Variants in FGG observed in about 807,000 individuals in gnomAD.
The protein encoded by FGG is fibrinogen gamma chain, also known as fibrinogen, gamma polypeptide.
In FGG, 20 loss-of-function variants were observed where a neutral mutation model predicts 51.7. That is an observed-to-expected ratio of 0.39 (90% CI 0.27 to 0.56). FGG has a LOEUF of 0.56. FGG is among the 20% of genes least tolerant of loss of function. The probability of loss-of-function intolerance (pLI) is 0.64; values close to 1 mark genes in which losing one functional copy is unlikely to be tolerated. For synonymous variants in FGG, 184 were observed against 184.7 expected, an observed-to-expected ratio of 1.00 and a Z score of 0.03; for missense variants, 460 against 534.2, an observed-to-expected ratio of 0.86 and a Z score of 1.37.
At chr4:154,610,994 A>C (rs1731200758) in intron 4 of FGG, among the ~76,000 whole-genome samples, 1 of 152,122 alleles carries the variant, frequency 6.6e-6, no homozygotes, top group Admixed American at 6.6e-5. Flanking sequence ...TGTCTTAGGC[A>C]ATTTCTGTAC....
chr4:154,606,917 T>G lies in FGG; in HGVS notation c.917A>C (p.Tyr306Ser). 1 of 1,613,808 alleles carries G rather than the reference T, an allele frequency of 6.2e-7. No individual in the cohort carries two copies. The highest frequency in any genetic ancestry group is 8.5e-7 in the Non-Finnish European group (1 of 1,179,792). The change falls in exon 8 of 9, where the codon TAC becomes TCC. Residue 306 changes from tyrosine to serine, a missense_variant. Physicochemically the swap from Tyr to Ser is moderately radical, Grantham distance 144. This residue lies in a region of FGG where 353 missense variants were observed against 391.7 expected (regional missense o/e 0.90). Coordinates refer to ENST00000336098, the MANE Select transcript of FGG (RefSeq NM_021870.3). Reference protein sequence around the residue: ...EADKYRLTYAYFAGGDAGDAF... With the variant: ...EADKYRLTYASFAGGDAGDAF... The stretch of plus-strand genomic sequence containing the variant: ...ATCTCCAGCATCCCCACCAGCGAAG[T>G]AGGCATATGTTAGGCGGTACTTGTC...
rs915524030 is a variant in FGG, at chr4:154,605,120, C to A, written c.1130-54G>T. 8 of 1,602,912 alleles carry A rather than the reference C, an allele frequency of 5.0e-6. No homozygotes were observed. In the Admixed American group the frequency reaches 6.7e-5, roughly 13 times the overall value. ...TTATTCTGGAATCTTTTTACCTCTG[C>A]AAGTCTATGAAGAGCTGTCTATTAC... On this transcript the variant is annotated intron_variant, in intron 8 of 8. Transcript: ENST00000336098.
intron 8 of FGG, 134 bp downstream of exon 8, chr4:154,606,571 G>C (rs1384297288): frequency 9.2e-7 from 1 of 1,083,880 alleles, no homozygotes; most frequent in Non-Finnish European, 1.3e-6. Flanking sequence ...AAAGAACTTA[G>C]TTGAAATAAA....
chr4:154,610,713 A>T (rs1316401763), intron 4 of FGG, among the ~76,000 whole-genome samples: 1 of 152,190 alleles, frequency 6.6e-6, no homozygotes, highest in Non-Finnish European at 1.5e-5. Flanking sequence ...TATAAGCTTC[A>T]ATCTAAAATA....
chr4:154,606,669 A>G (rs758280260), intron 8 of FGG, 36 bp downstream of exon 8: 11 of 1,602,682 alleles, frequency 6.9e-6, no homozygotes, highest in South Asian at 2.2e-5. Flanking sequence ...AGTATACACT[A>G]TACATTAACT....
In FGG at chr4:154,608,569, T is replaced by C; in HGVS notation, c.748A>G (p.Thr250Ala). Residue 250 changes from threonine to alanine, a missense_variant, in exon 7 of 9, where the codon ACA becomes GCA. Physicochemically the swap from Thr to Ala is moderately conservative, Grantham distance 58 (BLOSUM62 0). This residue lies in a region of FGG where 353 missense variants were observed against 391.7 expected (regional missense o/e 0.90). Transcript: ENST00000336098. Reference sequence around the variant, plus strand: ...TTCTCATTTCCCAGCCAAAATTCTGTTGTGCCAGTAGGAGACAGATGTCCA... The same window carrying C: ...TTCTCATTTCCCAGCCAAAATTCTGCTGTGCCAGTAGGAGACAGATGTCCA... ...GFGHLSPTGT[T>A]EFWLGNEKIH... The C allele has an allele frequency of 5.6e-6, 9 of 1,613,902 alleles. No homozygotes were observed. Among genetic ancestry groups the C allele is most frequent in the Non-Finnish European group, 7.6e-6 (9 of 1,179,868 alleles).
In FGG at chr4:154,608,558, C is replaced by T; in HGVS notation, c.759G>A (p.Trp253Ter). Residue 253 changes from tryptophan to a stop codon, truncating the protein, a stop_gained, in exon 7 of 9, where the codon TGG (tryptophan) becomes TGA (stop). Transcript: ENST00000336098. LOFTEE classifies it high-confidence loss of function. ...HLSPTGTTEF[W>*]LGNEKIHLIS... ...TCAAATGAATCTTCTCATTTCCCAGCCAAAATTCTGTTGTGCCAGTAGGAG... is the reference window on the plus strand; with the variant it reads ...TCAAATGAATCTTCTCATTTCCCAGTCAAAATTCTGTTGTGCCAGTAGGAG... 1 of 1,613,854 alleles carries T rather than the reference C, an allele frequency of 6.2e-7. No homozygotes were observed. The highest frequency in any genetic ancestry group is 8.5e-7 in the Non-Finnish European group (1 of 1,179,870).
chr4:154,610,058 A>C lies in FGG; in HGVS notation c.532+9T>G, dbSNP rs747005631. On this transcript the variant is annotated intron_variant, in intron 5 of 8. Transcript: ENST00000336098. ...TGAACCTAATCCCAATATAACCTTC[A>C]TCAGTTACCTTTCCCAGTGATATCA... The C allele has an allele frequency of 6.2e-7, 1 of 1,613,742 alleles. No individual in the cohort carries two copies. The highest frequency in any genetic ancestry group is 8.5e-7 in the Non-Finnish European group (1 of 1,179,784).
At chr4:154,608,378 G>T in intron 7 of FGG, 88 bp downstream of exon 7, 1 of 1,298,632 alleles carries the variant, frequency 7.7e-7, no homozygotes, top group Non-Finnish European at 1.1e-6. Flanking sequence ...TTGTCAGGCT[G>T]CATTTGCCAT....
At chr4:154,608,322 C>T (rs2066860) in intron 7 of FGG, 144 bp downstream of exon 7, 21,639 of 810,540 alleles carry the variant, frequency 0.027, 379 homozygotes, top group Non-Finnish European at 0.036. Context: ...GCCCAAGAAC[C>T]AAACAGACTC....
chr4:154,609,552 G>A (rs1378401239), intron 6 of FGG, 78 bp downstream of exon 6: 5 of 1,540,694 alleles, frequency 3.2e-6, no homozygotes, highest in Non-Finnish European at 3.6e-6. Context: ...CGGTTCACAA[G>A]GTGCTTAGAA....
chr4:154,610,173 T>C lies in FGG; in HGVS notation c.426A>G (p.Ser142=). The C allele has an allele frequency of 6.3e-7, 1 of 1,589,886 alleles. No homozygotes were observed. Among genetic ancestry groups the C allele is most frequent in the South Asian group, 1.1e-5 (1 of 90,588 alleles). The change falls in exon 5 of 9, where the codon TCA becomes TCG. Residue 142 remains serine, a synonymous_variant. Coordinates refer to ENST00000336098, the MANE Select transcript of FGG (RefSeq NM_021870.3). ...SIRYLQEIYN[S]NNQKIVNLKE... is the part of the protein sequence containing the mutation. ...TCAGGTTAACAATCTTTTGATTATT[T>C]GAATTATATATTTCCTGCAAATATC...
In FGG at chr4:154,612,540, A is replaced by G. The variant is rs1462258585; in HGVS notation, c.70T>C (p.Cys24Arg). The G allele has an allele frequency of 1.2e-6, 2 of 1,613,924 alleles. No individual in the cohort carries two copies. Among genetic ancestry groups the G allele is most frequent in the Non-Finnish European group, 8.5e-7 (1 of 1,179,918 alleles). ...GTGAAGAGCACACTTACTGCTACAC[A>G]TGTTGAAGAGAGAAATAAAAGAGCA... is the stretch of plus-strand genomic sequence containing the variant. ...FYALLFLSST[C>R]VAYVATRDNC... is the part of the protein sequence containing the mutation. Residue 24 changes from cysteine to arginine, a missense_variant, in exon 1 of 9, where the codon TGT becomes CGT. Physicochemically the swap from Cys to Arg is radical, Grantham distance 180. This residue lies in a region of FGG where 353 missense variants were observed against 391.7 expected (regional missense o/e 0.90). Transcript: ENST00000336098.
Position 154,610,240 on chromosome 4 carries a change from A to G in FGG, c.402-43T>C, listed in dbSNP as rs373674678. On this transcript the variant is annotated intron_variant, in intron 4 of 8. Transcript: ENST00000336098. Reference sequence around the variant, plus strand: ...AGATAACAAAAATAAGAAGACAAAAATAAGTATTCCTTTCAGAAGAGTAAT... The same window carrying G: ...AGATAACAAAAATAAGAAGACAAAAGTAAGTATTCCTTTCAGAAGAGTAAT... The G allele has an allele frequency of 5.1e-5, 73 of 1,444,600 alleles. No individual in the cohort carries two copies. The African/African-American group carries it at 7.3e-4, about 14-fold the overall frequency. 89.5% of individuals were successfully genotyped at this position (1,444,600 alleles called of 1,614,324 possible).
chr4:154,604,136 T>C, downstream of FGG: 2 of 439,586 alleles, frequency 4.5e-6, no homozygotes, highest in East Asian at 7.3e-5. Flanking sequence ...ACCATGTATC[T>C]AGTCTTAGGA....
In FGG at chr4:154,610,191, C is replaced by T. The variant is rs747889986; in HGVS notation, c.408G>A (p.Leu136=). 1.9e-6 allele frequency: 3 copies of T among 1,561,188 alleles called. No homozygotes were observed. In the Admixed American group the frequency reaches 5.0e-5, roughly 26 times the overall value. ...GATTATTTGAATTATATATTTCCTG[C>T]AAATATCTACAAACAGAAACATAAG... is the stretch of plus-strand genomic sequence containing the variant. The part of the protein sequence containing the change: ...ILTHDSSIRY[L]QEIYNSNNQK... The change falls in exon 5 of 9, where the codon TTG becomes TTA. Residue 136 remains leucine (L), a synonymous_variant. Coordinates refer to ENST00000336098, the MANE Select transcript of FGG (RefSeq NM_021870.3).
rs752621502 is a variant in FGG at position 154,611,970 on chromosome 4, C to T, written c.307+48G>A. Reference sequence around the variant, plus strand: ...AACTAAAACAACAGCAAAAGAACTTCACAGATTATTATTATTATTTTTTGG... The same window carrying T: ...AACTAAAACAACAGCAAAAGAACTTTACAGATTATTATTATTATTTTTTGG... On this transcript the variant is annotated intron_variant, in intron 3 of 8. Transcript: ENST00000336098. 8 of 1,605,166 alleles carry T rather than the reference C, an allele frequency of 5.0e-6. 1 individual carries two copies. The South Asian group carries it at 8.8e-5, about 18-fold the overall frequency.
rs1578811007 is a variant in FGG, at chr4:154,609,729, C to T, written c.567G>A (p.Gln189=). The T allele has an allele frequency of 1.2e-6, 2 of 1,614,008 alleles. No individual in the cohort carries two copies. The highest frequency in any genetic ancestry group is 1.7e-6 in the Non-Finnish European group (2 of 1,179,918). The part of the protein sequence containing the change: ...CQDIANKGAK[Q]SGLYFIKPLK... ...GAGGTTTAATAAAGTAAAGCCCGCT[C>T]TGTTTAGCTCCCTTATTGGCAATGT... Residue 189 remains glutamine, a synonymous_variant, in exon 6 of 9, where the codon CAG becomes CAA. Transcript: ENST00000336098.
chr4:154,607,034 A>G, intron 7 of FGG, 52 bp from the exon 8 acceptor site: 1 of 1,483,530 alleles, frequency 6.7e-7, no homozygotes. Context: ...CAGGGATCTC[A>G]GAAGTTCCCT....
Sources: gnomAD v4.1 joint callset for allele counts (sites outside exome capture counted in the v4.1 genomes callset) on GRCh38, gnomAD v4.1.1 for gene constraint, gnomAD v4.1.1 regional missense constraint, MANE v1.5 for transcripts, NCBI Gene and HGNC (gene_info 2026-07-23, HGNC 2026-07-21) for gene names.